The following FMN1 variants were observed in gnomAD, a reference collection of about 807,000 sequenced individuals.
FMN1 encodes the protein formin-1.
Under a neutral mutation model 132.4 loss-of-function variants are expected in FMN1, and 110 were observed. The observed-to-expected ratio is 0.83, with a 90% CI of 0.71 to 0.97. The LOEUF (loss-of-function observed/expected upper bound fraction) is 0.97. Ranked by LOEUF, FMN1 falls within the 50% of genes least tolerant of loss-of-function variation. FMN1 has a pLI of 0.00. For synonymous variants in FMN1, 722 were observed against 651.7 expected, an observed-to-expected ratio of 1.11 and a Z score of -1.64; for missense variants, 1,792 against 1,705.3, an observed-to-expected ratio of 1.05 and a Z score of -0.90.
chr15:32,830,585 A>C (rs1294559839), intron 17 of FMN1, among the ~76,000 whole-genome samples: 1 of 152,184 alleles, frequency 6.6e-6, no homozygotes, highest in Non-Finnish European at 1.5e-5. Context: ...ATGGTAAGTA[A>C]AGAGGATACT....
intron 6 of FMN1, chr15:33,063,502 T>G (rs547541766): frequency 6.6e-6 from 1 of 152,306 alleles, no homozygotes; most frequent in South Asian, 2.1e-4. Flanking sequence ...CTCTTACTGC[T>G]TTTTCTAAAC....
chr15:32,888,114 A>C, intron 16 of FMN1, 58 bp downstream of exon 16: 1 of 1,463,900 alleles, frequency 6.8e-7, no homozygotes, highest in Non-Finnish European at 9.2e-7. Flanking sequence ...AATCCTCTTA[A>C]AACATTTTTT....
intron 17 of FMN1, among the ~76,000 whole-genome samples, chr15:32,808,914 T>C (rs992668935): frequency 1.3e-5 from 2 of 148,996 alleles, no homozygotes; most frequent in African/African-American, 4.9e-5. Flanking sequence ...TTTTTTTTTT[T>C]CATTTCACTC....
rs71720769 is a variant in FMN1, at chr15:33,078,648, A to AC, written c.2043+10150_2043+10151insG. 9.8e-3 allele frequency among the ~76,000 whole-genome samples: 1,496 copies of AC among 151,984 alleles called. 21 individuals carry two copies. Among genetic ancestry groups the AC allele is most frequent in the African/African-American group, 0.035 (1,436 of 41,488 alleles). On this transcript the variant is annotated intron_variant, in intron 5 of 20. Coordinates refer to ENST00000616417, the MANE Select transcript of FMN1 (RefSeq NM_001277313.2). ...TCTGTAAAATCCAAAAGGCAACAAA[A>AC]AAAAAAAAACAACTGGGCCATAAAA...
Position 33,149,880 on chromosome 15 carries a change from A to C in FMN1, c.1867+3168T>G, listed in dbSNP as rs1964375140. The C allele has an allele frequency of 6.1e-6, 6 of 984,176 alleles. No individual in the cohort carries two copies. The South Asian group carries it at 2.8e-4, about 46-fold the overall frequency. 61.0% of individuals were successfully genotyped at this position (984,176 alleles called of 1,614,324 possible). Reference sequence around the variant, plus strand: ...ATAATGTATATCCACAGAGACAATCAAAGCTTTGACAGTAGTATTAGGGGT... The same window carrying C: ...ATAATGTATATCCACAGAGACAATCCAAGCTTTGACAGTAGTATTAGGGGT... On this transcript the variant is annotated intron_variant, in intron 4 of 20. Coordinates refer to ENST00000616417, the MANE Select transcript of FMN1 (RefSeq NM_001277313.2).
At chr15:32,829,890 C>T (rs539187316) in intron 17 of FMN1, among the ~76,000 whole-genome samples, 3 of 152,318 alleles carry the variant, frequency 2.0e-5, no homozygotes, top group Admixed American at 6.5e-5. Context: ...AATACCCACA[C>T]AGAAATGAGG....
At chr15:32,774,440 T>C in intron 20 of FMN1, 86 bp from the exon 21 acceptor site, 1 of 1,119,562 alleles carries the variant, frequency 8.9e-7, no homozygotes, top group Non-Finnish European at 1.3e-6. Flanking sequence ...TCTAGAATGC[T>C]GAGTTTCCGG....
At chr15:32,951,209 A>G (rs537449619) in intron 9 of FMN1, among the ~76,000 whole-genome samples, 2 of 152,312 alleles carry the variant, frequency 1.3e-5, no homozygotes, top group South Asian at 2.1e-4. Context: ...TAAAAAGGTG[A>G]TATTATGTTA....
chr15:33,044,804 A>G lies in FMN1; in HGVS notation c.2161+20153T>C, dbSNP rs576434733. Among the ~76,000 whole-genome samples the G allele has an allele frequency of 6.6e-5, 10 of 152,306 alleles. No homozygotes were observed. In the South Asian group the frequency reaches 2.1e-3, roughly 32 times the overall value. Reference sequence around the variant, plus strand: ...GACCAGCTGTACAGAGGAGCTACCCACTGTAGGTCTCCTCTGAGCTGCTCT... The same window carrying G: ...GACCAGCTGTACAGAGGAGCTACCCGCTGTAGGTCTCCTCTGAGCTGCTCT... On this transcript the variant is annotated intron_variant, in intron 6 of 20. Coordinates refer to ENST00000616417, the MANE Select transcript of FMN1 (RefSeq NM_001277313.2).
Position 32,768,010 on chromosome 15 carries a change from T to C in FMN1, c.*6300A>G, listed in dbSNP as rs998100204. The C allele has an allele frequency of 1.3e-5, 2 of 152,230 alleles. No homozygotes were observed. The highest frequency in any genetic ancestry group is 3.8e-4 in the East Asian group (2 of 5,206). 9.4% of individuals were successfully genotyped at this position (152,230 alleles called of 1,614,324 possible). On this transcript the variant is annotated 3_prime_UTR_variant, in exon 21 of 21. Coordinates refer to ENST00000616417, the MANE Select transcript of FMN1 (RefSeq NM_001277313.2). ...TAGCATGAAGCGAGGAAAAAGGAGA[T>C]ATTTATAATTCACAAAAACATCTAA...
intron 7 of FMN1, among the ~76,000 whole-genome samples, chr15:32,983,172 T>C (rs1490729772): frequency 6.6e-6 from 1 of 152,102 alleles, no homozygotes; most frequent in Non-Finnish European, 1.5e-5. Context: ...AGAATCCTAC[T>C]CAGAAGTAAA....
intron 4 of FMN1, among the ~76,000 whole-genome samples, chr15:33,122,817 A>C (rs1471117001): frequency 2.6e-5 from 4 of 152,194 alleles, no homozygotes; most frequent in African/African-American, 9.6e-5. Flanking sequence ...AGAAGAGGGA[A>C]CTGGAATATT....
intron 3 of FMN1, among the ~76,000 whole-genome samples, chr15:33,164,278 G>A (rs895973005): frequency 2.0e-5 from 3 of 152,042 alleles, no homozygotes; most frequent in African/African-American, 7.2e-5. Context: ...CTAGAGTTTC[G>A]GAGGCAAAAT....
chr15:32,818,061 ACTTT>A (rs1367885554), intron 17 of FMN1, among the ~76,000 whole-genome samples: 1 of 152,188 alleles, frequency 6.6e-6, no homozygotes, highest in African/African-American at 2.4e-5. Context: ...AGTGCATAAG[ACTTT>A]CTCTGAGCAA....
At position 32,964,175 on chromosome 15, in the gene FMN1, T is replaced by C. The variant is rs1272615000; in HGVS notation, c.3070A>G (p.Lys1024Glu). The C allele has an allele frequency of 6.2e-7, 1 of 1,613,554 alleles. No homozygotes were observed. Among genetic ancestry groups the C allele is most frequent in the Non-Finnish European group, 8.5e-7 (1 of 1,179,540 alleles). Residue 1024 changes from lysine (K) to glutamate (E), a missense_variant, in exon 9 of 21, where the codon AAA (lysine) becomes GAA (glutamate). Around this residue, in one of 3 missense-constraint regions of FMN1, gnomAD observed 1,150 missense variants for 1,043.1 expected, o/e 1.10. Transcript: ENST00000616417. ...TTTTTCTTCTGTTGAGTTGTGTCTT[T>C]GGAGAATAAATACTCAAATTCACTG... ...DPSEFEYLFS[K>E]DTTQQKKKPL...
chr15:32,828,583 T>C (rs760228550), intron 17 of FMN1, among the ~76,000 whole-genome samples: 14 of 152,002 alleles, frequency 9.2e-5, no homozygotes, highest in Non-Finnish European at 1.6e-4. Flanking sequence ...ATTTGGATAA[T>C]AGTACTGCTT....
At chr15:32,964,746 T>C (rs902062546) in intron 8 of FMN1, among the ~76,000 whole-genome samples, 6 of 152,234 alleles carry the variant, frequency 3.9e-5, no homozygotes, top group Non-Finnish European at 8.8e-5. Context: ...AATACAGTTT[T>C]TAGGATTCAT....
chr15:32,925,879 G>T (rs2060946811), intron 10 of FMN1, among the ~76,000 whole-genome samples: 1 of 152,088 alleles, frequency 6.6e-6, no homozygotes, highest in African/African-American at 2.4e-5. Flanking sequence ...TGGGCAACAT[G>T]GCAAAACCCC....
intron 17 of FMN1, among the ~76,000 whole-genome samples, chr15:32,814,163 T>G (rs2057979833): frequency 2.0e-5 from 3 of 152,320 alleles, no homozygotes; most frequent in South Asian, 4.1e-4. Flanking sequence ...CCTGAAATTC[T>G]CCAAGTTATA....
Sources: allele counts gnomAD v4.1 joint callset (sites outside exome capture counted in the v4.1 genomes callset), GRCh38; gene constraint gnomAD v4.1.1; regional missense constraint gnomAD v4.1.1; transcripts MANE v1.5; gene names NCBI Gene and HGNC (gene_info 2026-07-23, HGNC 2026-07-21).